Variants in CCNY observed in about 807,000 individuals in gnomAD.
CCNY encodes the protein cyclin Y.
A neutral mutation model predicts 42.8 loss-of-function variants in CCNY; 19 were observed. The ratio of observed to expected loss-of-function variants is 0.44; its 90% confidence interval spans 0.31 to 0.65. CCNY has a LOEUF of 0.65. CCNY is among the 30% of genes least tolerant of loss of function. CCNY has a pLI of 0.07. For synonymous variants in CCNY, 165 were observed against 162.7 expected, an observed-to-expected ratio of 1.01 and a Z score of -0.11; for missense variants, 370 against 437.3, an observed-to-expected ratio of 0.85 and a Z score of 1.37.
chr10:35,509,277 T>G (rs990948905), intron 3 of CCNY, among the ~76,000 whole-genome samples: 7 of 152,120 alleles, frequency 4.6e-5, no homozygotes, highest in Admixed American at 3.3e-4. Flanking sequence ...TACCCTTTTT[T>G]GGGGGCTGGG....
chr10:35,363,308 G>C (rs376608003), intron 1 of CCNY, among the ~76,000 whole-genome samples: 1 of 151,740 alleles, frequency 6.6e-6, no homozygotes, highest in Non-Finnish European at 1.5e-5. Context: ...CAGACGGTTG[G>C]GGGGCCGGGC....
rs894234783 is a variant in CCNY at position 35,261,093 on chromosome 10, G to C, written c.-9+10467G>C. ...GCTACTGCACTCCGCCTAGGTGACA[G>C]AGCAATAATCTGCCTTAAAAAAACA... On this transcript the variant is annotated intron_variant, in intron 3 of 11. Transcript: ENST00000374706. 2.6e-5 allele frequency among the ~76,000 whole-genome samples: 4 copies of C among 152,058 alleles called. No homozygotes were observed. In the South Asian group the frequency reaches 8.3e-4, roughly 32 times the overall value.
chr10:35,324,717 AT>A (rs1047351231), intron 3 of CCNY, among the ~76,000 whole-genome samples: 1 of 152,272 alleles, frequency 6.6e-6, no homozygotes, highest in Non-Finnish European at 1.5e-5. Context: ...CCAATAAGGA[AT>A]TTTTTTTAAT....
At chr10:35,543,382 A>G (rs1026426761) in intron 7 of CCNY, among the ~76,000 whole-genome samples, 1 of 152,218 alleles carries the variant, frequency 6.6e-6, no homozygotes, top group Non-Finnish European at 1.5e-5. Context: ...TCCCCCAGCA[A>G]TGAGCTGTAA....
chr10:35,448,104 T>G, intron 1 of CCNY, among the ~76,000 whole-genome samples: 1 of 152,200 alleles, frequency 6.6e-6, no homozygotes, highest in East Asian at 1.9e-4. Flanking sequence ...GCGGCTCGCA[T>G]TTTAATTGTG....
At chr10:35,516,858 A>C (rs1321830641) in intron 4 of CCNY, among the ~76,000 whole-genome samples, 1 of 151,860 alleles carries the variant, frequency 6.6e-6, no homozygotes, top group African/African-American at 2.4e-5. Context: ...AAATATTTTT[A>C]CATAGTACTA....
chr10:35,410,582 C>A (rs1467944592), intron 1 of CCNY, among the ~76,000 whole-genome samples: 1 of 152,206 alleles, frequency 6.6e-6, no homozygotes, highest in Non-Finnish European at 1.5e-5. Context: ...GTGAGCTTAA[C>A]TTTGCTTCTA....
intron 1 of CCNY, among the ~76,000 whole-genome samples, chr10:35,419,528 C>T (rs538331965): frequency 8.5e-5 from 10 of 117,570 alleles, no homozygotes; most frequent in East Asian, 4.8e-4. Flanking sequence ...TGCATTAGAC[C>T]GTTCCTTTTT....
chr10:35,359,197 A>G (rs1836626354), intron 1 of CCNY, among the ~76,000 whole-genome samples: 1 of 152,130 alleles, frequency 6.6e-6, no homozygotes, highest in Admixed American at 6.5e-5. Flanking sequence ...GTTACTCCCC[A>G]GCTGTTTTGC....
At chr10:35,477,302 T>C (rs1394120878) in intron 1 of CCNY, among the ~76,000 whole-genome samples, 2 of 151,356 alleles carry the variant, frequency 1.3e-5, no homozygotes, top group African/African-American at 2.4e-5. Context: ...CCAGCATCAT[T>C]CTGATACCAA....
chr10:35,478,751 A>T (rs1839582840), intron 1 of CCNY, among the ~76,000 whole-genome samples: 1 of 152,212 alleles, frequency 6.6e-6, no homozygotes, highest in African/African-American at 2.4e-5. Flanking sequence ...TGTCTAAAAC[A>T]CCAAAAGCAA....
At chr10:35,264,277 T>C (rs1448673547) in intron 3 of CCNY, among the ~76,000 whole-genome samples, 1 of 152,214 alleles carries the variant, frequency 6.6e-6, no homozygotes, top group African/African-American at 2.4e-5. Flanking sequence ...AGGGTACATG[T>C]GCACAATGTG....
At chr10:35,426,131 A>G (rs1470102704) in intron 1 of CCNY, among the ~76,000 whole-genome samples, 2 of 135,482 alleles carry the variant, frequency 1.5e-5, no homozygotes, top group African/African-American at 6.2e-5. Flanking sequence ...ACACACACAC[A>G]CACACACACA....
At chr10:35,355,449 G>A (rs1283179726) in intron 1 of CCNY, among the ~76,000 whole-genome samples, 1 of 151,746 alleles carries the variant, frequency 6.6e-6, no homozygotes, top group Non-Finnish European at 1.5e-5. Context: ...AGGCAGAGGC[G>A]GGTGGATCAC....
At chr10:35,249,830 G>T (rs552613482) in intron 2 of CCNY, among the ~76,000 whole-genome samples, 3 of 152,166 alleles carry the variant, frequency 2.0e-5, no homozygotes, top group Admixed American at 1.3e-4. Flanking sequence ...GAGGCAGACT[G>T]CTTGAGGTCA....
rs375062239 is a variant in CCNY at position 35,542,323 on chromosome 10, C to G, written c.580-10696C>G. On this transcript the variant is annotated intron_variant, in intron 7 of 9. Transcript: ENST00000374704. ...GGAGGAAAATAACAAAGGTAAAGCA[C>G]CATTTTTAGCACATCACATCAAAGG... Among the ~76,000 whole-genome samples the G allele has an allele frequency of 2.8e-4, 42 of 151,696 alleles. No homozygotes were observed. In the South Asian group the frequency reaches 8.6e-3, roughly 31 times the overall value.
At chr10:35,371,885 C>T (rs1836945073) in intron 1 of CCNY, among the ~76,000 whole-genome samples, 1 of 152,208 alleles carries the variant, frequency 6.6e-6, no homozygotes, top group South Asian at 2.1e-4. Context: ...TCCATGAAGA[C>T]TGAGCAAGTT....
intron 1 of CCNY, among the ~76,000 whole-genome samples, chr10:35,437,452 C>G (rs72798165): frequency 6.6e-6 from 1 of 151,970 alleles, no homozygotes; most frequent in Non-Finnish European, 1.5e-5. Context: ...CCCAGGAGTT[C>G]GAGATCAGCT....
intron 1 of CCNY, among the ~76,000 whole-genome samples, chr10:35,360,796 A>G (rs542169628): frequency 1.3e-5 from 2 of 152,148 alleles, no homozygotes; most frequent in African/African-American, 2.4e-5. Flanking sequence ...TTGATAATAT[A>G]TTAATATGTC....
Sources: gnomAD v4.1 joint callset for allele counts (sites outside exome capture counted in the v4.1 genomes callset) on GRCh38, gnomAD v4.1.1 for gene constraint, MANE v1.5 for transcripts, NCBI Gene and HGNC (gene_info 2026-07-23, HGNC 2026-07-21) for gene names.